The following TANC1 variants were observed in gnomAD, a reference collection of about 807,000 sequenced individuals.
TANC1 encodes the protein tetratricopeptide repeat, ankyrin repeat and coiled-coil containing 1.
A neutral mutation model predicts 149.7 loss-of-function variants in TANC1; 77 were observed. The ratio of observed to expected loss-of-function variants is 0.51; its 90% CI spans 0.43 to 0.62. The LOEUF (loss-of-function observed/expected upper bound fraction) is 0.62, where lower values mean the gene tolerates loss of function less well. TANC1 is among the 20% of genes least tolerant of loss of function. The probability of loss-of-function intolerance (pLI) is 0.00; values close to 1 mark genes in which losing one functional copy is unlikely to be tolerated. For synonymous variants in TANC1, 854 were observed against 925.0 expected (o/e 0.92, Z 1.39); for missense variants, 1,985 against 2,321.8 (o/e 0.85, Z 2.98).
chr2:159,067,998 T>C (rs2042813204), intron 3 of TANC1, among the ~76,000 whole-genome samples: 1 of 152,134 alleles, frequency 6.6e-6, no homozygotes, highest in African/African-American at 2.4e-5. Flanking sequence ...TTCATAATAA[T>C]TTCCACACTG....
intron 3 of TANC1, among the ~76,000 whole-genome samples, chr2:159,079,346 C>CTTTTTTTTTT (rs68143585): frequency 9.1e-6 from 1 of 109,910 alleles, no homozygotes; most frequent in African/African-American, 3.6e-5. Context: ...GTGTGTGTGT[C>CTTTTTTTTTT]TTTTTTTTTT....
chr2:159,209,602 C>T (rs1036510071), intron 19 of TANC1, among the ~76,000 whole-genome samples: 2 of 152,126 alleles, frequency 1.3e-5, no homozygotes, highest in Admixed American at 1.3e-4. Flanking sequence ...CGAGCCTGAC[C>T]GGTCAGCCGC....
intron 19 of TANC1, among the ~76,000 whole-genome samples, chr2:159,200,318 A>G (rs2058154979): frequency 6.6e-6 from 1 of 152,160 alleles, no homozygotes; most frequent in African/African-American, 2.4e-5. Context: ...GGGAAAGCCC[A>G]GGATTTGATT....
chr2:159,194,767 A>T (rs968006559), intron 17 of TANC1, among the ~76,000 whole-genome samples: 1 of 152,232 alleles, frequency 6.6e-6, no homozygotes, highest in Non-Finnish European at 1.5e-5. Flanking sequence ...AGCCTTTAAA[A>T]AGCCTGCAAG....
At chr2:159,204,378 T>C (rs1258993406) in intron 19 of TANC1, among the ~76,000 whole-genome samples, 1 of 152,158 alleles carries the variant, frequency 6.6e-6, no homozygotes, top group Admixed American at 6.5e-5. Flanking sequence ...TCAGATCCTC[T>C]CGCCAAGTCC....
chr2:159,217,985 G>C (rs773173793), intron 20 of TANC1, among the ~76,000 whole-genome samples: 1 of 152,248 alleles, frequency 6.6e-6, no homozygotes, highest in African/African-American at 2.4e-5. Context: ...ATACTTGGAA[G>C]AAGAGCAGTT....
chr2:158,986,690 C>T (rs2035040894), intron 1 of TANC1, among the ~76,000 whole-genome samples: 1 of 152,088 alleles, frequency 6.6e-6, no homozygotes, highest in South Asian at 2.1e-4. Context: ...AATTTCACTT[C>T]CTTCAGGGAG....
chr2:159,225,909 G>A, intron 24 of TANC1, 130 bp downstream of exon 24: 1 of 792,006 alleles, frequency 1.3e-6, no homozygotes, highest in Non-Finnish European at 2.2e-6. Context: ...TGGCTGGGTG[G>A]GGTGGCTCAC....
intron 18 of TANC1, among the ~76,000 whole-genome samples, chr2:159,197,547 A>G (rs10169747): frequency 0.56 from 85,565 of 151,874 alleles, 25,266 homozygotes; most frequent in Middle Eastern, 0.66. Flanking sequence ...AAAACTCATG[A>G]GCGGACACAC....
chr2:159,170,206 A>G (rs1036388431), intron 9 of TANC1, among the ~76,000 whole-genome samples: 7 of 152,344 alleles, frequency 4.6e-5, no homozygotes, highest in African/African-American at 1.4e-4. Flanking sequence ...CCAATGAGAC[A>G]TGATTTGGCC....
At chr2:159,059,916 GT>G in intron 2 of TANC1, among the ~76,000 whole-genome samples, 1 of 124,828 alleles carries the variant, frequency 8.0e-6, no homozygotes, top group African/African-American at 3.8e-5. Context: ...GTGTGTGTGT[GT>G]GTGTGTGTGT....
chr2:159,141,316 G>A (rs375792970), intron 5 of TANC1, among the ~76,000 whole-genome samples: 28 of 152,332 alleles, frequency 1.8e-4, no homozygotes, highest in African/African-American at 6.5e-4. Flanking sequence ...ACTATAGTAC[G>A]TGGCAACAGA....
rs55746240 is a variant in TANC1 at position 159,019,653 on chromosome 2, G to GTTTTTTTTTTTTTTTTTTTT, written c.-16+18478_-16+18497dup. 9.5e-5 allele frequency among the ~76,000 whole-genome samples: 7 copies of GTTTTTTTTTTTTTTTTTTTT among 73,304 alleles called. 2 individuals carry two copies. The highest frequency in any genetic ancestry group is 1.8e-4 in the Non-Finnish European group (7 of 39,230). 48.1% of individuals were successfully genotyped at this position (73,304 alleles called of 152,430 possible). On this transcript the variant is annotated intron_variant, in intron 2 of 26. Coordinates refer to ENST00000263635, the MANE Select transcript of TANC1 (RefSeq NM_033394.3). ...CCTAACTGCAGCTTGCTTTCTTTCT[G>GTTTTTTTTTTTTTTTTTTTT]TTTTTTTTTTTTTTTTTTTTTTTTT...
intron 4 of TANC1, among the ~76,000 whole-genome samples, chr2:159,107,279 A>G (rs1287424802): frequency 3.3e-5 from 5 of 152,206 alleles, no homozygotes; most frequent in Admixed American, 2.0e-4. Context: ...CACCTGCCTC[A>G]GCTTTCCAAA....
intron 2 of TANC1, among the ~76,000 whole-genome samples, chr2:159,019,956 C>A (rs973895002): frequency 6.6e-6 from 1 of 152,026 alleles, no homozygotes; most frequent in Non-Finnish European, 1.5e-5. Flanking sequence ...GCACTCATGA[C>A]TTCTTTCCAA....
intron 2 of TANC1, among the ~76,000 whole-genome samples, chr2:159,041,823 C>T (rs1266307811): frequency 6.6e-6 from 1 of 152,222 alleles, no homozygotes; most frequent in Non-Finnish European, 1.5e-5. Flanking sequence ...TGAGATGAAC[C>T]AGGCACCTCA....
intron 2 of TANC1, among the ~76,000 whole-genome samples, chr2:159,014,031 G>A (rs1343692605): frequency 6.6e-6 from 1 of 152,054 alleles, no homozygotes; most frequent in Non-Finnish European, 1.5e-5. Context: ...TTGGATTAGG[G>A]CCCACCCTAA....
chr2:159,118,246 G>T (rs2048494796), intron 4 of TANC1, among the ~76,000 whole-genome samples: 1 of 152,158 alleles, frequency 6.6e-6, no homozygotes, highest in South Asian at 2.1e-4. Flanking sequence ...GCATTTGTAT[G>T]CATGCATAGA....
rs113048925 is a variant in TANC1, at chr2:159,070,487, C to T, written c.61+4516C>T. On this transcript the variant is annotated intron_variant, in intron 3 of 26. Coordinates refer to ENST00000263635, the MANE Select transcript of TANC1 (RefSeq NM_033394.3). ...TGTGTATTCTGTGGGTTTGAACAAA[C>T]GTGTAATGACATATCTACCATTGTT... Among the ~76,000 whole-genome samples, 6 of 152,156 alleles carry T rather than the reference C, an allele frequency of 3.9e-5. No individual in the cohort carries two copies. In the East Asian group the frequency reaches 7.7e-4, roughly 20 times the overall value.
Sources: allele counts gnomAD v4.1 joint callset (sites outside exome capture counted in the v4.1 genomes callset), GRCh38; gene constraint gnomAD v4.1.1; transcripts MANE v1.5; gene names NCBI Gene and HGNC (gene_info 2026-07-23, HGNC 2026-07-21).